BRINP3: variants seen among roughly 807,000 people sequenced by gnomAD.
BRINP3 encodes the protein BMP/retinoic acid inducible neural specific 3.
Under a neutral mutation model 71.0 loss-of-function variants are expected in BRINP3, and 19 were observed. The observed-to-expected ratio is 0.27, with a 90% CI of 0.19 to 0.39. The LOEUF (loss-of-function observed/expected upper bound fraction) is 0.39, where lower values mean the gene tolerates loss of function less well. Ranked by LOEUF, BRINP3 falls within the 10% of genes least tolerant of loss-of-function variation. BRINP3 has a pLI of 1.00. For synonymous variants in BRINP3, 380 were observed against 337.7 expected, an observed-to-expected ratio of 1.13 and a Z score of -1.37; for missense variants, 959 against 940.8, an observed-to-expected ratio of 1.02 and a Z score of -0.25.
intron 2 of BRINP3, among the ~76,000 whole-genome samples, chr1:190,292,226 T>C (rs965835876): frequency 6.6e-6 from 1 of 152,124 alleles, no homozygotes; most frequent in Admixed American, 6.6e-5. Flanking sequence ...AGGTCCATTG[T>C]AGAGCATGGC....
intron 1 of BRINP3, among the ~76,000 whole-genome samples, chr1:190,469,129 T>C (rs1443022123): frequency 6.6e-6 from 1 of 151,066 alleles, no homozygotes; most frequent in Non-Finnish European, 1.5e-5. Flanking sequence ...TGGAGTAAAA[T>C]TGATATTTAG....
intron 4 of BRINP3, among the ~76,000 whole-genome samples, chr1:190,243,731 C>T (rs1659328289): frequency 6.6e-6 from 1 of 152,060 alleles, no homozygotes; most frequent in Non-Finnish European, 1.5e-5. Context: ...TTCTTACAGC[C>T]ACTGTCTGGC....
chr1:190,434,631 C>T (rs1356737595), intron 2 of BRINP3, among the ~76,000 whole-genome samples: 1 of 151,810 alleles, frequency 6.6e-6, no homozygotes, highest in African/African-American at 2.4e-5. Flanking sequence ...AAGAGGAATG[C>T]ATTTCATATT....
intron 2 of BRINP3, among the ~76,000 whole-genome samples, chr1:190,293,741 A>G (rs552787380): frequency 1.3e-5 from 2 of 152,202 alleles, no homozygotes; most frequent in Non-Finnish European, 2.9e-5. Context: ...ATATCCTGTT[A>G]CTGAATTGAT....
chr1:190,331,637 C>T (rs1245386597), intron 2 of BRINP3, among the ~76,000 whole-genome samples: 1 of 151,898 alleles, frequency 6.6e-6, no homozygotes, highest in Non-Finnish European at 1.5e-5. Flanking sequence ...TTGTGAAAAC[C>T]CAGCATCTGA....
intron 2 of BRINP3, among the ~76,000 whole-genome samples, chr1:190,391,164 T>C (rs1671229102): frequency 6.6e-6 from 1 of 151,704 alleles, no homozygotes; most frequent in South Asian, 2.1e-4. Context: ...GGGGAGATTA[T>C]TTTATCTGGA....
chr1:190,422,096 G>A (rs954683308), intron 2 of BRINP3, among the ~76,000 whole-genome samples: 3 of 151,624 alleles, frequency 2.0e-5, no homozygotes, highest in African/African-American at 7.3e-5. Context: ...TTGACCTGAG[G>A]ATAATTCTTT....
chr1:190,311,210 T>G (rs1003130205), intron 2 of BRINP3, among the ~76,000 whole-genome samples: 2 of 151,666 alleles, frequency 1.3e-5, no homozygotes, highest in East Asian at 3.9e-4. Context: ...AACATTTATT[T>G]TAATTTCAAT....
chr1:190,239,874 G>A (rs558548432), intron 4 of BRINP3, among the ~76,000 whole-genome samples: 2 of 151,712 alleles, frequency 1.3e-5, no homozygotes, highest in South Asian at 4.1e-4. Context: ...AAAAGAAAAT[G>A]CTGAAATCTG....
chr1:190,239,730 A>G (rs1489711263), intron 4 of BRINP3, among the ~76,000 whole-genome samples: 1 of 152,008 alleles, frequency 6.6e-6, no homozygotes, highest in Non-Finnish European at 1.5e-5. Flanking sequence ...CTATATTTAC[A>G]TATGTATGGA....
chr1:190,469,930 A>G (rs1045064314), intron 1 of BRINP3, among the ~76,000 whole-genome samples: 5 of 151,122 alleles, frequency 3.3e-5, no homozygotes, highest in Admixed American at 3.3e-4. Flanking sequence ...ATTTAATTTA[A>G]TCACATTTTT....
chr1:190,109,900 G>C (rs1342611460), intron 7 of BRINP3, among the ~76,000 whole-genome samples: 1 of 152,196 alleles, frequency 6.6e-6, no homozygotes, highest in Non-Finnish European at 1.5e-5. Context: ...GATTTGGACT[G>C]ATCCTCATGA....
rs71123086 is a variant in BRINP3 at position 190,369,057 on chromosome 1, CA to C, written c.236+85597del. On this transcript the variant is annotated intron_variant, in intron 2 of 7. Transcript: ENST00000367462. ...ATACTTCCACAATACTTGGGGATTA[CA>C]GGAACTACAATTCAAAATGAGATTT... is the stretch of plus-strand genomic sequence containing the variant. 7.1e-3 allele frequency among the ~76,000 whole-genome samples: 1,088 copies of C among 152,204 alleles called. 5 individuals carry two copies. Among genetic ancestry groups the C allele is most frequent in the Middle Eastern group, 0.014 (4 of 294 alleles).
intron 2 of BRINP3, among the ~76,000 whole-genome samples, chr1:190,294,593 C>G (rs1441963802): frequency 1.3e-5 from 2 of 152,070 alleles, no homozygotes; most frequent in Non-Finnish European, 2.9e-5. Context: ...GAGGGCAAAC[C>G]TCACCTCTCC....
chr1:190,294,457 G>C (rs902293762), intron 2 of BRINP3, among the ~76,000 whole-genome samples: 1 of 151,712 alleles, frequency 6.6e-6, no homozygotes, highest in African/African-American at 2.4e-5. Context: ...TCACTTTGTT[G>C]CCCATGCTGG....
In BRINP3 at chr1:190,454,955, C is replaced by T; in HGVS notation, c.-50-15G>A. The stretch of plus-strand genomic sequence containing the variant: ...TCCCTCAACACCTAGACAAAATACA[C>T]AGGCAATTAGTTAACTCCTAGAAGA... On this transcript the variant is annotated splice_polypyrimidine_tract_variant and intron_variant, in intron 1 of 7. Transcript: ENST00000367462. 7 of 1,292,758 alleles carry T rather than the reference C, an allele frequency of 5.4e-6. No individual in the cohort carries two copies. Among genetic ancestry groups the T allele is most frequent in the Admixed American group, 1.9e-5 (1 of 51,926 alleles). The allele number at this position is 1,292,758 out of a possible 1,614,324, so 80.1% of individuals were successfully genotyped here.
At chr1:190,420,358 A>C (rs2102455509) in intron 2 of BRINP3, among the ~76,000 whole-genome samples, 1 of 152,112 alleles carries the variant, frequency 6.6e-6, no homozygotes, top group Middle Eastern at 3.4e-3. Flanking sequence ...GAATGCAATA[A>C]CTGATTATTC....
intron 2 of BRINP3, among the ~76,000 whole-genome samples, chr1:190,352,320 G>A (rs1340431305): frequency 3.3e-5 from 5 of 151,954 alleles, no homozygotes; most frequent in African/African-American, 1.2e-4. Flanking sequence ...TTCCACTGGG[G>A]GAAGCTTAGA....
chr1:190,451,597 G>A (rs936301019), intron 2 of BRINP3, among the ~76,000 whole-genome samples: 3 of 151,598 alleles, frequency 2.0e-5, no homozygotes, highest in African/African-American at 4.9e-5. Context: ...TTTAAATGAG[G>A]CAACAAATCT....
Sources: gnomAD v4.1 joint callset for allele counts (sites outside exome capture counted in the v4.1 genomes callset) on GRCh38, gnomAD v4.1.1 for gene constraint, MANE v1.5 for transcripts, NCBI Gene and HGNC (gene_info 2026-07-23, HGNC 2026-07-21) for gene names.